Variants in RABEP2 observed in about 807,000 individuals in gnomAD.
The protein encoded by RABEP2 is rab GTPase-binding effector protein 2.
A neutral mutation model predicts 74.1 loss-of-function variants in RABEP2; 57 were observed. The observed-to-expected ratio is 0.77, with a 90% confidence interval of 0.62 to 0.96. The LOEUF (loss-of-function observed/expected upper bound fraction) is 0.96, where lower values mean the gene tolerates loss of function less well. Among genes scored for constraint, RABEP2 ranks in the 40% least tolerant of loss-of-function variants. RABEP2 has a pLI of 0.00. For synonymous variants in RABEP2, 351 were observed against 344.0 expected (o/e 1.02, Z -0.23); for missense variants, 692 against 756.3 (o/e 0.91, Z 1.00).
At chr16:28,921,647 A>ATTTT (rs56325875) in intron 2 of RABEP2, among the ~76,000 whole-genome samples, 2 of 113,424 alleles carry the variant, frequency 1.8e-5, no homozygotes, top group Non-Finnish European at 3.4e-5. Context: ...TAGAACATAG[A>ATTTT]TTTTTTTTTT....
intron 5 of RABEP2, among the ~76,000 whole-genome samples, chr16:28,911,456 G>A (rs1363095465): frequency 6.6e-6 from 1 of 152,010 alleles, no homozygotes; most frequent in Admixed American, 6.6e-5. Context: ...GAGGTCAGGA[G>A]TTCAAAACCA....
In RABEP2 at chr16:28,904,797, C is replaced by T. The variant is rs1047559708; in HGVS notation, c.*146G>A. The T allele has an allele frequency of 1.9e-5, 13 of 693,150 alleles. No homozygotes were observed. Among genetic ancestry groups the T allele is most frequent in the East Asian group, 1.4e-4 (5 of 36,240 alleles). 42.9% of individuals were successfully genotyped at this position (693,150 alleles called of 1,614,324 possible). A position where few individuals can be genotyped will look rare whatever the true frequency, so the allele number is the denominator to read the frequency against. On this transcript the variant is annotated 3_prime_UTR_variant, in exon 13 of 13. Coordinates refer to ENST00000358201, the MANE Select transcript of RABEP2 (RefSeq NM_024816.3). ...CACCCTGGGAGGAGGCGCTGGAGGG[C>T]GGGGCGGTGGTGGCCCCCGTCAGTC... is the stretch of plus-strand genomic sequence containing the variant.
Position 28,924,980 on chromosome 16 carries a change from T to A in RABEP2, c.61+123A>T, listed in dbSNP as rs746245429. 7 of 1,140,586 alleles carry A rather than the reference T, an allele frequency of 6.1e-6. No individual in the cohort carries two copies. The South Asian group carries it at 6.8e-5, about 11-fold the overall frequency. The allele number at this position is 1,140,586 out of a possible 1,614,324, so 70.7% of individuals were successfully genotyped here. A position where few individuals can be genotyped will look rare whatever the true frequency, so the allele number is the denominator to read the frequency against. ...CTGTGGCTGTAGGCCCCGCCCCCTT[T>A]CCCGACGGCGTGGCCCCGCCCCTTC... On this transcript the variant is annotated intron_variant, in intron 1 of 12. Coordinates refer to ENST00000358201, the MANE Select transcript of RABEP2 (RefSeq NM_024816.3).
intron 3 of RABEP2, among the ~76,000 whole-genome samples, chr16:28,915,390 A>C (rs1329162519): frequency 6.6e-6 from 1 of 151,296 alleles, no homozygotes; most frequent in East Asian, 2.0e-4. Context: ...CACACTTCAC[A>C]TTGTTAGTTG....
rs1481796398 is a variant in RABEP2, at chr16:28,914,274, G to A, written c.856C>T (p.Leu286Phe). The change falls in exon 5 of 13, where the codon CTC becomes TTC. Residue 286 changes from leucine (L) to phenylalanine (F), a missense_variant. Coordinates refer to ENST00000358201, the MANE Select transcript of RABEP2 (RefSeq NM_024816.3). ...TGCTCCCACTGAGTGTCTGGGACGA[G>A]CTGGTAGCCAGGAGGGGGCAGGTAG... ...GIYLPPPGYQ[L>F]VPDTQWEQLQ... is the part of the protein sequence containing the mutation. 1 of 1,611,390 alleles carries A rather than the reference G, an allele frequency of 6.2e-7. No individual in the cohort carries two copies. The highest frequency in any genetic ancestry group is 8.5e-7 in the Non-Finnish European group (1 of 1,179,566).
intron 7 of RABEP2, 88 bp downstream of exon 7, chr16:28,910,800 T>C: frequency 8.3e-7 from 1 of 1,208,726 alleles, no homozygotes; most frequent in Non-Finnish European, 1.2e-6. Context: ...GACAGGTTCC[T>C]TGACTTCCCA....
intron 5 of RABEP2, among the ~76,000 whole-genome samples, chr16:28,912,496 G>A (rs563548226): frequency 2.0e-5 from 3 of 146,794 alleles, no homozygotes; most frequent in Admixed American, 7.0e-5. Context: ...CTGCAGCATC[G>A]ACCTCCTGGG....
In RABEP2 at chr16:28,914,442, C is replaced by T. The variant is rs1964358277; in HGVS notation, c.688G>A (p.Asp230Asn). Reference protein sequence around the residue: ...AAEAFAHNCDDSASISSFSLG... With the variant: ...AAEAFAHNCDNSASISSFSLG... ...GAGAAGGAGGAGATGGAGGCGCTGT[C>T]ATCGCAGTTGTGAGCGAAGGCCTCA... The change falls in exon 5 of 13, where the codon GAC becomes AAC. Residue 230 changes from aspartate (D) to asparagine (N), a missense_variant. Physicochemically the swap from Asp to Asn is conservative, Grantham distance 23. Coordinates refer to ENST00000358201, the MANE Select transcript of RABEP2 (RefSeq NM_024816.3). 3 of 1,613,554 alleles carry T rather than the reference C, an allele frequency of 1.9e-6. No individual in the cohort carries two copies. The highest frequency in any genetic ancestry group is 2.5e-6 in the Non-Finnish European group (3 of 1,179,962).
At position 28,904,999 on chromosome 16, in the gene RABEP2, G is replaced by C; in HGVS notation, c.1654C>G (p.Arg552Gly). 6.2e-7 allele frequency: 1 copy of C among 1,611,996 alleles called. No individual in the cohort carries two copies. Among genetic ancestry groups the C allele is most frequent in the Non-Finnish European group, 8.5e-7 (1 of 1,179,772 alleles). The change falls in exon 13 of 13, where the codon CGC becomes GGC. Residue 552 changes from arginine (R) to glycine (G), a missense_variant. Arg to Gly is a moderately radical substitution (Grantham distance 125). Transcript: ENST00000358201. Reference protein sequence around the residue: ...IRQAETLEQVRSIMDEAPLTD... With the variant: ...IRQAETLEQVGSIMDEAPLTD... ...AGTGGCGCCTCATCCATGATGCTGC[G>C]CACTTGCTCCAGGGTCTCAGCCTGG...
Position 28,906,044 on chromosome 16 carries a change from C to T in RABEP2, c.1398G>A (p.Gln466=). The T allele has an allele frequency of 6.2e-7, 1 of 1,604,140 alleles. No homozygotes were observed. Residue 466 remains glutamine (Q), a synonymous_variant, in exon 9 of 13, where the codon CAG becomes CAA. Coordinates refer to ENST00000358201, the MANE Select transcript of RABEP2 (RefSeq NM_024816.3). ...ETVARASLEG[Q]LRVQREETEV... ...CTGTCTCCTCCCGCTGCACCCTCAGCTGCCCCTCCAGGCTGGCCCTGGCCA... is the reference window on the plus strand; with the variant it reads ...CTGTCTCCTCCCGCTGCACCCTCAGTTGCCCCTCCAGGCTGGCCCTGGCCA...
intron 7 of RABEP2, among the ~76,000 whole-genome samples, chr16:28,909,473 G>A (rs1964282112): frequency 6.6e-6 from 1 of 152,174 alleles, no homozygotes; most frequent in Non-Finnish European, 1.5e-5. Flanking sequence ...GGCTATGGGG[G>A]AGGCCAAGGT....
Position 28,908,777 on chromosome 16 carries a change from A to G in RABEP2, c.1090-13T>C, listed in dbSNP as rs1432812630. 1.9e-6 allele frequency: 3 copies of G among 1,613,050 alleles called. No homozygotes were observed. Among genetic ancestry groups the G allele is most frequent in the African/African-American group, 2.7e-5 (2 of 74,906 alleles). On this transcript the variant is annotated splice_polypyrimidine_tract_variant and intron_variant, in intron 7 of 12. Transcript: ENST00000358201. ...TGACCAGCTCCGCCTATGGACAGAC[A>G]GTTAGTATAAGGCAATGAAGAGGAC...
intron 2 of RABEP2, among the ~76,000 whole-genome samples, chr16:28,920,488 T>C (rs1433721788): frequency 6.6e-6 from 1 of 151,318 alleles, no homozygotes; most frequent in Middle Eastern, 3.2e-3. Context: ...TGGGTTCAAG[T>C]GATTCTCGTG....
At chr16:28,921,111 G>A (rs1596704542) in intron 2 of RABEP2, 12 of 451,136 alleles carry the variant, frequency 2.7e-5, no homozygotes, top group South Asian at 7.8e-5. Context: ...CAATCCTCCC[G>A]TCTCAGCCTC....
At position 28,904,475 on chromosome 16, in the gene RABEP2, T is replaced by G; in HGVS notation, c.*468A>C. The G allele has an allele frequency of 6.6e-7, 1 of 1,509,478 alleles. No individual in the cohort carries two copies. Among genetic ancestry groups the G allele is most frequent in the Non-Finnish European group, 8.8e-7 (1 of 1,130,026 alleles). 93.5% of individuals were successfully genotyped at this position (1,509,478 alleles called of 1,614,324 possible). ...AACGACGGAAAAGTCTGGCCTTGCC[T>G]CTGTGCAAGCTTGGAGGCCTGGGTC... On this transcript the variant is annotated 3_prime_UTR_variant, in exon 13 of 13. Transcript: ENST00000358201.
At chr16:28,921,286 T>G in intron 2 of RABEP2, 5 of 455,176 alleles carry the variant, frequency 1.1e-5, no homozygotes, top group South Asian at 7.8e-5. Context: ...AGGGCGGCTG[T>G]GGCAATAGTT....
At position 28,914,726 on chromosome 16, in the gene RABEP2, G is replaced by A. The variant is rs755291898; in HGVS notation, c.489C>T (p.Ile163=). ...REIVLPMEKE[I]EELKAKLLRA... is the part of the protein sequence containing the mutation. The stretch of plus-strand genomic sequence containing the variant: ...TCAGCAGCTTCGCCTTCAGCTCCTC[G>A]ATCTCCTTTTCCATGGGCAGTACGA... The change falls in exon 4 of 13, where the codon ATC becomes ATT. Residue 163 remains isoleucine (I), a synonymous_variant. Transcript: ENST00000358201. 57 of 1,614,106 alleles carry A rather than the reference G, an allele frequency of 3.5e-5. 1 individual carries two copies. The highest frequency in any genetic ancestry group is 1.5e-4 in the South Asian group (14 of 91,084).
chr16:28,922,016 G>A (rs575201441), intron 2 of RABEP2, among the ~76,000 whole-genome samples: 53 of 152,226 alleles, frequency 3.5e-4, no homozygotes, highest in African/African-American at 1.3e-3. Context: ...CTGTCACCCA[G>A]GCTGGAGTGC....
chr16:28,905,467 C>A lies in RABEP2; in HGVS notation c.1538G>T (p.Arg513Leu), dbSNP rs369691572. The A allele has an allele frequency of 6.2e-7, 1 of 1,609,456 alleles. No homozygotes were observed. The highest frequency in any genetic ancestry group is 1.7e-4 in the Middle Eastern group (1 of 5,940). ...ACTGGTCTCCAGCTCTGCCTGCAGCCGCAGCACCTTGGCCCTCTGTTCTGA... is the reference window on the plus strand; with the variant it reads ...ACTGGTCTCCAGCTCTGCCTGCAGCAGCAGCACCTTGGCCCTCTGTTCTGA... The part of the protein sequence containing the change: ...LLSEQRAKVL[R>L]LQAELETSEQ... The change falls in exon 12 of 13, where the codon CGG becomes CTG. Residue 513 changes from arginine (R) to leucine (L), a missense_variant. By Grantham distance (102) the Arg-to-Leu change is moderately radical. Coordinates refer to ENST00000358201, the MANE Select transcript of RABEP2 (RefSeq NM_024816.3).
Sources: allele counts gnomAD v4.1 joint callset (sites outside exome capture counted in the v4.1 genomes callset), GRCh38; gene constraint gnomAD v4.1.1; transcripts MANE v1.5; gene names NCBI Gene and HGNC (gene_info 2026-07-23, HGNC 2026-07-21).